CADM2: variants seen among roughly 807,000 people sequenced by gnomAD.
The protein encoded by CADM2 is cell adhesion molecule 2.
Under a neutral mutation model 49.8 loss-of-function variants are expected in CADM2, and 12 were observed. That is an observed-to-expected ratio of 0.24 (90% CI 0.15 to 0.39). CADM2 has a LOEUF of 0.39. Among genes scored for constraint, CADM2 ranks in the 10% least tolerant of loss-of-function variants. The pLI is 1.00. For synonymous variants in CADM2, 214 were observed against 175.4 expected (o/e 1.22, Z -1.74); for missense variants, 378 against 492.3 (o/e 0.77, Z 2.20).
At chr3:85,406,646 T>C (rs971609390) in intron 1 of CADM2, among the ~76,000 whole-genome samples, 4 of 152,188 alleles carry the variant, frequency 2.6e-5, no homozygotes, top group Admixed American at 2.0e-4. Context: ...CTTCCTCCAA[T>C]ATTCTCTGCG....
At chr3:85,886,420 A>G (rs1713662993) in intron 5 of CADM2, 93 bp downstream of exon 5, 1 of 930,162 alleles carries the variant, frequency 1.1e-6, no homozygotes, top group East Asian at 2.7e-5. Flanking sequence ...TTCAAAACAT[A>G]GTGTCTCTTA....
intron 1 of CADM2, among the ~76,000 whole-genome samples, chr3:85,428,765 G>A (rs914458676): frequency 2.7e-5 from 4 of 149,806 alleles, no homozygotes; most frequent in Non-Finnish European, 5.9e-5. Context: ...TAATTGAAAG[G>A]CATTTACGTG....
intron 7 of CADM2, among the ~76,000 whole-genome samples, chr3:85,956,789 T>C (rs1463819890): frequency 6.6e-6 from 1 of 151,534 alleles, no homozygotes; most frequent in East Asian, 2.0e-4. Flanking sequence ...TACAGAGCCA[T>C]TTGCTTTAAG....
chr3:86,060,394 A>T (rs1738488593), intron 8 of CADM2, among the ~76,000 whole-genome samples: 1 of 152,172 alleles, frequency 6.6e-6, no homozygotes, highest in Non-Finnish European at 1.5e-5. Flanking sequence ...GATGTCATGT[A>T]ATTCATATTT....
chr3:85,808,220 G>A (rs867433055), intron 3 of CADM2, among the ~76,000 whole-genome samples: 6 of 152,152 alleles, frequency 3.9e-5, no homozygotes, highest in African/African-American at 1.4e-4. Flanking sequence ...TAAGAATCAA[G>A]AGGAAAATTT....
chr3:85,919,763 C>T (rs1718856769), intron 6 of CADM2, among the ~76,000 whole-genome samples: 1 of 151,816 alleles, frequency 6.6e-6, no homozygotes, highest in Non-Finnish European at 1.5e-5. Context: ...CTAAATTCTT[C>T]CCTGTACTTT....
intron 1 of CADM2, among the ~76,000 whole-genome samples, chr3:85,541,734 TA>T (rs1559897528): frequency 5.3e-5 from 3 of 56,848 alleles, no homozygotes; most frequent in East Asian, 4.1e-3. Context: ...ATATATATTT[TA>T]TATATATATT....
At chr3:85,002,586 AT>A (rs145208929) in intron 1 of CADM2, among the ~76,000 whole-genome samples, 7,725 of 152,050 alleles carry the variant, frequency 0.051, 650 homozygotes, top group African/African-American at 0.18. Context: ...AATAATTATT[AT>A]TTTTTTGTCT....
intron 1 of CADM2, among the ~76,000 whole-genome samples, chr3:85,376,717 A>T (rs1051285331): frequency 6.6e-6 from 1 of 152,068 alleles, no homozygotes; most frequent in Non-Finnish European, 1.5e-5. Context: ...TGGCTATCCC[A>T]TTTTAAATAT....
At chr3:85,908,263 T>C (rs1453761827) in intron 5 of CADM2, among the ~76,000 whole-genome samples, 3 of 149,720 alleles carry the variant, frequency 2.0e-5, no homozygotes, top group Admixed American at 6.6e-5. Flanking sequence ...TCTTTTTTTT[T>C]TTTTTTTTTT....
chr3:86,029,104 TA>T (rs1734257477), intron 8 of CADM2, among the ~76,000 whole-genome samples: 1 of 152,086 alleles, frequency 6.6e-6, no homozygotes, highest in African/African-American at 2.4e-5. Flanking sequence ...GTGAGGGAAA[TA>T]AGCCTGGAGG....
intron 1 of CADM2, among the ~76,000 whole-genome samples, chr3:85,452,138 A>T (rs2037775552): frequency 6.6e-6 from 1 of 152,084 alleles, no homozygotes; most frequent in African/African-American, 2.4e-5. Flanking sequence ...CCCACAGGTT[A>T]TTATTTTGTT....
chr3:85,209,671 A>G (rs1307966187), intron 1 of CADM2, among the ~76,000 whole-genome samples: 23 of 152,080 alleles, frequency 1.5e-4, no homozygotes, highest in Non-Finnish European at 2.9e-5. Flanking sequence ...ATCTTAAAAA[A>G]AAAACATACA....
chr3:85,393,285 C>G (rs1281514877), intron 1 of CADM2, among the ~76,000 whole-genome samples: 3 of 151,890 alleles, frequency 2.0e-5, no homozygotes, highest in Non-Finnish European at 4.4e-5. Context: ...ATAATGATGT[C>G]CAAAGGGAAA....
chr3:85,781,024 A>G (rs2070613671), intron 2 of CADM2, among the ~76,000 whole-genome samples: 1 of 152,184 alleles, frequency 6.6e-6, no homozygotes, highest in Admixed American at 6.6e-5. Context: ...TATCCCCAGA[A>G]GCCAAGTCCC....
intron 2 of CADM2, among the ~76,000 whole-genome samples, chr3:85,750,955 A>G (rs550237642): frequency 3.3e-5 from 5 of 151,916 alleles, no homozygotes; most frequent in African/African-American, 1.2e-4. Flanking sequence ...ATTACATATA[A>G]TATAGGCATT....
intron 1 of CADM2, among the ~76,000 whole-genome samples, chr3:85,613,751 T>C (rs989135741): frequency 2.0e-4 from 30 of 151,604 alleles, no homozygotes; most frequent in African/African-American, 7.0e-4. Context: ...TTTGGAAGAT[T>C]TTTAAAAATC....
chr3:85,366,904 A>G (rs972462645), intron 1 of CADM2, among the ~76,000 whole-genome samples: 2 of 152,070 alleles, frequency 1.3e-5, no homozygotes, highest in Non-Finnish European at 2.9e-5. Context: ...TTAATCTTCT[A>G]TTAGTGCTCT....
At chr3:85,528,206 A>G (rs2106937331) in intron 1 of CADM2, among the ~76,000 whole-genome samples, 1 of 152,152 alleles carries the variant, frequency 6.6e-6, no homozygotes, top group African/African-American at 2.4e-5. Flanking sequence ...TCATTATCAC[A>G]GACATCCTAA....
Sources: allele counts gnomAD v4.1 joint callset (sites outside exome capture counted in the v4.1 genomes callset), GRCh38; gene constraint gnomAD v4.1.1; transcripts MANE v1.5; gene names NCBI Gene and HGNC (gene_info 2026-07-23, HGNC 2026-07-21).